The following MARS1 variants were observed in gnomAD, a reference collection of about 807,000 sequenced individuals.
The protein encoded by MARS1 is methionine--tRNA ligase, cytoplasmic.
Under a neutral mutation model 119.5 loss-of-function variants are expected in MARS1, and 80 were observed. That is an observed-to-expected ratio of 0.67 (90% confidence interval 0.56 to 0.81). The LOEUF is 0.81. Ranked by LOEUF, MARS1 falls within the 30% of genes least tolerant of loss-of-function variation. The probability of loss-of-function intolerance (pLI) is 0.00; values close to 1 mark genes in which losing one functional copy is unlikely to be tolerated. For synonymous variants in MARS1, 418 were observed against 433.4 expected, an observed-to-expected ratio of 0.96 and a Z score of 0.44; for missense variants, 945 against 1,116.5, an observed-to-expected ratio of 0.85 and a Z score of 2.19.
intron 1 of MARS1, chr12:57,488,551 T>A: frequency 6.5e-7 from 1 of 1,546,534 alleles, no homozygotes. Context: ...GGCACCCTTT[T>A]GTGTTCTTAG....
intron 7 of MARS1, among the ~76,000 whole-genome samples, chr12:57,495,218 G>T (rs1295358639): frequency 2.7e-5 from 4 of 150,144 alleles, no homozygotes; most frequent in Non-Finnish European, 3.0e-5. Context: ...GGCGGGCGCT[G>T]CCCCCCACCT....
intron 7 of MARS1, among the ~76,000 whole-genome samples, chr12:57,496,550 G>A (rs1038856989): frequency 6.6e-6 from 1 of 152,076 alleles, no homozygotes; most frequent in African/African-American, 2.4e-5. Context: ...AGGTTGAGGC[G>A]GGAGGATCAC....
At chr12:57,490,503 C>T in intron 6 of MARS1, 35 bp from the exon 7 acceptor site, 2 of 1,612,574 alleles carry the variant, frequency 1.2e-6, no homozygotes, top group Non-Finnish European at 1.7e-6. Context: ...GTGGGCCCTC[C>T]TCACCTGGTA....
intron 7 of MARS1, among the ~76,000 whole-genome samples, chr12:57,491,526 C>T (rs1213632100): frequency 2.0e-5 from 3 of 152,312 alleles, no homozygotes; most frequent in Middle Eastern, 3.4e-3. Flanking sequence ...CACCCCTTCT[C>T]CTCTCTGTTG....
intron 11 of MARS1, among the ~76,000 whole-genome samples, chr12:57,507,106 G>A (rs1345594406): frequency 3.3e-5 from 5 of 151,294 alleles, no homozygotes; most frequent in African/African-American, 1.2e-4. Flanking sequence ...ATCTTGCACC[G>A]CCCTTAATCC....
intron 8 of MARS1, 48 bp downstream of exon 8, chr12:57,498,321 C>T (rs78220036): frequency 2.7e-5 from 43 of 1,599,524 alleles, no homozygotes; most frequent in Non-Finnish European, 3.4e-5. Context: ...AGGGCGGGTC[C>T]CAGGGGAATA....
In MARS1 at chr12:57,512,300, C is replaced by T. The variant is rs143592405; in HGVS notation, c.1700C>T (p.Ser567Leu). The part of the protein sequence containing the change: ...VPFHSLVFPC[S>L]ALGAEDNYTL... ...TTCCATAGCTTAGTCTTTCCTTGCT[C>T]AGCCCTAGGAGCTGAGGATAACTAT... Residue 567 changes from serine to leucine, a missense_variant, in exon 14 of 21, where the codon TCA (serine) becomes TTA (leucine). Physicochemically the swap from Ser to Leu is moderately radical, Grantham distance 145. Coordinates refer to ENST00000262027, the MANE Select transcript of MARS1 (RefSeq NM_004990.4). 8.1e-6 allele frequency: 13 copies of T among 1,614,042 alleles called. No individual in the cohort carries two copies. The African/African-American group carries it at 1.3e-4, about 17-fold the overall frequency.
rs1054573635 is a variant in MARS1 at position 57,495,705 on chromosome 12, G to C, written c.771-2452G>C. Among the ~76,000 whole-genome samples, 6 of 152,344 alleles carry C rather than the reference G, an allele frequency of 3.9e-5. No homozygotes were observed. In the South Asian group the frequency reaches 1.2e-3, roughly 32 times the overall value. ...GATCACGCCACTGCACTCCAGCCTGGGCAACATTGAGCACTGAGTGAGCGA... is the reference window on the plus strand; with the variant it reads ...GATCACGCCACTGCACTCCAGCCTGCGCAACATTGAGCACTGAGTGAGCGA... On this transcript the variant is annotated intron_variant, in intron 7 of 20. Coordinates refer to ENST00000262027, the MANE Select transcript of MARS1 (RefSeq NM_004990.4).
rs529205399 is a variant in MARS1, at chr12:57,510,397, G to T, written c.1369-1301G>T. Reference sequence around the variant, plus strand: ...TGAGGCAGGAGAATCGCTTGAACCTGGAGGTGGGGAGGTTGCAGTGAGCTG... The same window carrying T: ...TGAGGCAGGAGAATCGCTTGAACCTTGAGGTGGGGAGGTTGCAGTGAGCTG... On this transcript the variant is annotated intron_variant, in intron 11 of 20. Coordinates refer to ENST00000262027, the MANE Select transcript of MARS1 (RefSeq NM_004990.4). Among the ~76,000 whole-genome samples, 29 of 151,274 alleles carry T rather than the reference G, an allele frequency of 1.9e-4. No individual in the cohort carries two copies. In the East Asian group the frequency reaches 5.5e-3, roughly 29 times the overall value.
In MARS1 at chr12:57,516,165, A is replaced by T. The variant is rs767366474; in HGVS notation, c.2464-80A>T. 3 of 1,433,190 alleles carry T rather than the reference A, an allele frequency of 2.1e-6. 1 individual carries two copies. In the South Asian group the frequency reaches 3.4e-5, roughly 16 times the overall value. 88.8% of individuals were successfully genotyped at this position (1,433,190 alleles called of 1,614,324 possible). ...AGAGACCTTCGACTTAAAGGTAACC[A>T]CTTTCCCTCTGAGATGCTGTATAAA... On this transcript the variant is annotated intron_variant, in intron 19 of 20. Coordinates refer to ENST00000262027, the MANE Select transcript of MARS1 (RefSeq NM_004990.4).
chr12:57,502,258 T>TG (rs1876950414), intron 10 of MARS1, among the ~76,000 whole-genome samples: 1 of 151,910 alleles, frequency 6.6e-6, no homozygotes, highest in African/African-American at 2.4e-5. Context: ...GGCTTTCAGG[T>TG]GGGATGCAGC....
At chr12:57,488,998 C>T (rs1594805502) in intron 1 of MARS1, 21 bp from the exon 2 acceptor site, 2 of 1,533,560 alleles carry the variant, frequency 1.3e-6, no homozygotes. Flanking sequence ...TTTTTTAACC[C>T]ATTTTCCATT....
chr12:57,505,417 C>T (rs1038792788), intron 11 of MARS1, among the ~76,000 whole-genome samples: 1 of 152,078 alleles, frequency 6.6e-6, no homozygotes, highest in Admixed American at 6.6e-5. Flanking sequence ...CCACCTCGGC[C>T]TCCCAGTGTG....
chr12:57,508,304 G>T (rs920090929), intron 11 of MARS1, among the ~76,000 whole-genome samples: 1 of 152,242 alleles, frequency 6.6e-6, no homozygotes, highest in Non-Finnish European at 1.5e-5. Flanking sequence ...GGAGGCCAAG[G>T]CAGGCAGCTG....
Position 57,490,723 on chromosome 12 carries a change from G to T in MARS1, c.770+79G>T, listed in dbSNP as rs905188235. ...GATAGAGCCAGAACCTGCCTGCTAG[G>T]TCCCGTTTGCTGATCTCTCTTTAAT... On this transcript the variant is annotated intron_variant, in intron 7 of 20. Transcript: ENST00000262027. The T allele has an allele frequency of 4.3e-5, 49 of 1,143,636 alleles. No individual in the cohort carries two copies. In the East Asian group the frequency reaches 1.0e-3, roughly 24 times the overall value. The allele number at this position is 1,143,636 out of a possible 1,614,324, so 70.8% of individuals were successfully genotyped here. A position where few individuals can be genotyped will look rare whatever the true frequency, so the allele number is the denominator to read the frequency against.
In MARS1 at chr12:57,516,554, A is replaced by C; in HGVS notation, c.2676A>C (p.Glu892Asp). ...CTGTAGCTGAGGGGAAACCCCCTGA[A>C]GCCCCTAAAGGCAAGAAGAAAAAGT... ...QLAVAEGKPP[E>D]APKGKKKK Residue 892 changes from glutamate (E) to aspartate (D), a missense_variant, in exon 21 of 21, where the codon GAA (glutamate) becomes GAC (aspartate). Glu to Asp is a conservative substitution (Grantham distance 45). Coordinates refer to ENST00000262027, the MANE Select transcript of MARS1 (RefSeq NM_004990.4). 6.3e-7 allele frequency: 1 copy of C among 1,595,310 alleles called. No individual in the cohort carries two copies. Among genetic ancestry groups the C allele is most frequent in the Non-Finnish European group, 8.5e-7 (1 of 1,174,816 alleles).
At position 57,515,181 on chromosome 12, in the gene MARS1, G is replaced by A. The variant is rs765690389; in HGVS notation, c.2236G>A (p.Val746Met). 1 of 1,614,234 alleles carries A rather than the reference G, an allele frequency of 6.2e-7. No homozygotes were observed. The highest frequency in any genetic ancestry group is 1.3e-5 in the African/African-American group (1 of 75,056). ...QRAGTVTGLA[V>M]NIAALLSVML... ...GGCAGGAACAGTGACTGGCTTGGCA[G>A]TGAATATAGCTGCCTTGCTCTCTGT... Residue 746 changes from valine (V) to methionine (M), a missense_variant, in exon 18 of 21, where the codon GTG (valine) becomes ATG (methionine). Coordinates refer to ENST00000262027, the MANE Select transcript of MARS1 (RefSeq NM_004990.4).
chr12:57,508,543 C>T (rs575056965), intron 11 of MARS1, among the ~76,000 whole-genome samples: 1 of 152,378 alleles, frequency 6.6e-6, no homozygotes, highest in Non-Finnish European at 1.5e-5. Flanking sequence ...CGCCCGCAAT[C>T]GCAGGCACTC....
chr12:57,504,695 A>ATTTTTT (rs34351056), intron 11 of MARS1, among the ~76,000 whole-genome samples: 4 of 83,584 alleles, frequency 4.8e-5, no homozygotes, highest in East Asian at 3.9e-4. Flanking sequence ...TGCCTGACTG[A>ATTTTTT]TTTTTTTTTT....
Sources: gnomAD v4.1 joint callset for allele counts (sites outside exome capture counted in the v4.1 genomes callset) on GRCh38, gnomAD v4.1.1 for gene constraint, MANE v1.5 for transcripts, NCBI Gene and HGNC (gene_info 2026-07-23, HGNC 2026-07-21) for gene names.